BTRC: variants seen among roughly 807,000 people sequenced by gnomAD.
BTRC encodes F-box/WD repeat-containing protein 1A.
Under a neutral mutation model 85.5 loss-of-function variants are expected in BTRC, and 42 were observed. The ratio of observed to expected loss-of-function variants is 0.49; its 90% confidence interval spans 0.38 to 0.64. BTRC has a LOEUF of 0.64. BTRC is among the 30% of genes least tolerant of loss of function. The pLI is 0.00. For synonymous variants in BTRC, 255 were observed against 263.3 expected (o/e 0.97, Z 0.30); for missense variants, 594 against 743.5 (o/e 0.80, Z 2.34).
chr10:101,405,333 T>C (rs943909377), intron 1 of BTRC, among the ~76,000 whole-genome samples: 3 of 152,192 alleles, frequency 2.0e-5, no homozygotes, highest in Non-Finnish European at 4.4e-5. Flanking sequence ...TTTCCTTACT[T>C]CAGAGTTTTA....
At chr10:101,362,253 G>A (rs1454778687) in intron 1 of BTRC, among the ~76,000 whole-genome samples, 1 of 151,936 alleles carries the variant, frequency 6.6e-6, no homozygotes, top group Admixed American at 6.6e-5. Context: ...CACCGTGCCC[G>A]GCCTTGAGTT....
At chr10:101,411,418 T>C (rs1943775393) in intron 1 of BTRC, among the ~76,000 whole-genome samples, 1 of 152,202 alleles carries the variant, frequency 6.6e-6, no homozygotes, top group Non-Finnish European at 1.5e-5. Context: ...AATTTTCTTT[T>C]GAGACACCAG....
intron 4 of BTRC, among the ~76,000 whole-genome samples, chr10:101,486,118 G>A (rs370831952): frequency 6.6e-6 from 1 of 152,202 alleles, no homozygotes; most frequent in Non-Finnish European, 1.5e-5. Context: ...AGAGAGGCAA[G>A]GCAAATAAAA....
rs58902120 is a variant in BTRC, at chr10:101,406,524, C to CTTTTTTT, written c.49-23799_49-23793dup. Among the ~76,000 whole-genome samples, 37 of 50,428 alleles carry CTTTTTTT rather than the reference C, an allele frequency of 7.3e-4. 5 individuals carry two copies. The highest frequency in any genetic ancestry group is 9.0e-4 in the Non-Finnish European group (26 of 28,774). The allele number at this position is 50,428 out of a possible 152,430, so 33.1% of individuals were successfully genotyped here. ...ATGTTAACATAGCCATCTCAGGTTT[C>CTTTTTTT]TTTTTTTTTTTTTTTTTTTTTTTTT... is the stretch of plus-strand genomic sequence containing the variant. On this transcript the variant is annotated intron_variant, in intron 1 of 14. Transcript: ENST00000370187.
intron 1 of BTRC, among the ~76,000 whole-genome samples, chr10:101,385,971 G>A (rs1590229161): frequency 1.3e-5 from 2 of 152,180 alleles, no homozygotes; most frequent in Admixed American, 1.3e-4. Flanking sequence ...GCCATTTTGA[G>A]AAGCTAATGA....
intron 4 of BTRC, among the ~76,000 whole-genome samples, chr10:101,509,048 A>G (rs930402745): frequency 1.3e-5 from 2 of 151,744 alleles, no homozygotes; most frequent in Non-Finnish European, 2.9e-5. Flanking sequence ...ATCTCCTTGT[A>G]AAAGGATGCT....
intron 2 of BTRC, among the ~76,000 whole-genome samples, chr10:101,433,795 G>GC (rs1466732734): frequency 6.6e-6 from 1 of 152,056 alleles, no homozygotes; most frequent in African/African-American, 2.4e-5. Context: ...TGTTACTCTG[G>GC]CTATAAAAAG....
chr10:101,448,565 C>T (rs1270000792), intron 2 of BTRC, among the ~76,000 whole-genome samples: 4 of 152,038 alleles, frequency 2.6e-5, no homozygotes, highest in Non-Finnish European at 5.9e-5. Flanking sequence ...GCCAATACTA[C>T]CTTAGGGTCT....
chr10:101,358,428 A>G (rs545492423), intron 1 of BTRC, among the ~76,000 whole-genome samples: 15 of 152,280 alleles, frequency 9.9e-5, no homozygotes, highest in Non-Finnish European at 1.9e-4. Context: ...AACAGGATAA[A>G]TATATTCTTG....
In BTRC at chr10:101,422,506, C is replaced by T. The variant is rs543628296; in HGVS notation, c.49-7839C>T. 2.0e-5 allele frequency among the ~76,000 whole-genome samples: 3 copies of T among 152,288 alleles called. No individual in the cohort carries two copies. In the South Asian group the frequency reaches 6.2e-4, roughly 32 times the overall value. ...CATTTGTCAATTTTGGCTTTTGTTG[C>T]TATGGCTTTTGGTGTTTTAGACATG... On this transcript the variant is annotated intron_variant, in intron 1 of 14. Transcript: ENST00000370187.
Position 101,508,913 on chromosome 10 carries a change from TAAAAAAA to T in BTRC, c.325-12709_325-12703del, listed in dbSNP as rs59998718. On this transcript the variant is annotated intron_variant, in intron 4 of 14. Transcript: ENST00000370187. ...TGGGCAACAATGCAAGACTCCATCT[TAAAAAAA>T]AAAAAAAAAAAAAAAACTAAAAGTA... Among the ~76,000 whole-genome samples, 597 of 101,944 alleles carry T rather than the reference TAAAAAAA, an allele frequency of 5.9e-3. 7 individuals carry two copies. The highest frequency in any genetic ancestry group is 0.019 in the African/African-American group (542 of 28,132). The allele number at this position is 101,944 out of a possible 152,430, so 66.9% of individuals were successfully genotyped here. A position where few individuals can be genotyped will look rare whatever the true frequency, so the allele number is the denominator to read the frequency against.
rs1011538152 is a variant in BTRC at position 101,432,561 on chromosome 10, G to A, written c.156+2109G>A. 6.6e-5 allele frequency among the ~76,000 whole-genome samples: 10 copies of A among 152,108 alleles called. 1 individual carries two copies. The highest frequency in any genetic ancestry group is 3.3e-4 in the Admixed American group (5 of 15,262). ...GGGTTGCAGTTAGTTTAGGCGATCT[G>A]CAAAGTCTGAGGGAATTGTAGTGCC... On this transcript the variant is annotated intron_variant, in intron 2 of 14. Coordinates refer to ENST00000370187, the MANE Select transcript of BTRC (RefSeq NM_033637.4).
intron 1 of BTRC, among the ~76,000 whole-genome samples, chr10:101,374,638 G>T (rs1489529650): frequency 9.0e-6 from 1 of 111,534 alleles, no homozygotes; most frequent in Non-Finnish European, 1.8e-5. Flanking sequence ...GTTGTGGGGT[G>T]GGGGGAGGGG....
At chr10:101,542,330 T>C (rs2062481022) in intron 13 of BTRC, among the ~76,000 whole-genome samples, 1 of 152,186 alleles carries the variant, frequency 6.6e-6, no homozygotes, top group South Asian at 2.1e-4. Context: ...GATCATTGAC[T>C]TTGAACCTTT....
chr10:101,376,323 TCAACAA>T (rs968401099), intron 1 of BTRC, among the ~76,000 whole-genome samples: 1 of 152,042 alleles, frequency 6.6e-6, no homozygotes, highest in Non-Finnish European at 1.5e-5. Context: ...AGACTCCATC[TCAACAA>T]CAACAACAAC....
At chr10:101,366,788 ATT>A (rs1554862047) in intron 1 of BTRC, among the ~76,000 whole-genome samples, 1 of 68,852 alleles carries the variant, frequency 1.5e-5, no homozygotes, top group South Asian at 3.6e-4. Flanking sequence ...ATATATATAT[ATT>A]TTTACATTTA....
chr10:101,407,444 C>T (rs186705715), intron 1 of BTRC, among the ~76,000 whole-genome samples: 175 of 152,304 alleles, frequency 1.1e-3, no homozygotes, highest in African/African-American at 4.0e-3. Flanking sequence ...GAAACAGTCT[C>T]GCTTTGTTGC....
At chr10:101,385,632 T>TTTTTTTTTTTTTTTTTTTTTG (rs1288309804) in intron 1 of BTRC, among the ~76,000 whole-genome samples, 2 of 143,874 alleles carry the variant, frequency 1.4e-5, no homozygotes, top group Non-Finnish European at 3.0e-5. Flanking sequence ...TTTTTTTTTT[T>TTTTTTTTTTTTTTTTTTTTTG]TGTGTGTTCT....
intron 1 of BTRC, among the ~76,000 whole-genome samples, chr10:101,387,528 C>CTTATTTTTTTTTTTTTT (rs1943110687): frequency 2.2e-5 from 1 of 45,120 alleles, no homozygotes; most frequent in Non-Finnish European, 3.4e-5. Context: ...CTTCATGGGA[C>CTTATTTTTTTTTTTTTT]TTTTTTTTTT....
Sources: allele counts gnomAD v4.1 joint callset (sites outside exome capture counted in the v4.1 genomes callset), GRCh38; gene constraint gnomAD v4.1.1; transcripts MANE v1.5; gene names NCBI Gene and HGNC (gene_info 2026-07-23, HGNC 2026-07-21).